The following YIPF4 variants were observed in gnomAD, a reference collection of about 807,000 sequenced individuals.
YIPF4 encodes the protein protein YIPF4.
YIPF4 carries 18 observed loss-of-function variants against 29.4 expected under a neutral mutation model. That is an observed-to-expected ratio of 0.61 (90% CI 0.42 to 0.91). YIPF4 has a LOEUF of 0.91. Among genes scored for constraint, YIPF4 ranks in the 40% least tolerant of loss-of-function variants. The pLI is 0.00. For missense variants in YIPF4, 279 were observed against 282.7 expected, an observed-to-expected ratio of 0.99 and a Z score of 0.09; for synonymous variants, 115 against 104.7, an observed-to-expected ratio of 1.10 and a Z score of -0.60.
chr2:32,283,074 CAAAAAAAAA>C (rs78012507), intron 1 of YIPF4, among the ~76,000 whole-genome samples: 1 of 68,822 alleles, frequency 1.5e-5, no homozygotes, highest in Non-Finnish European at 2.9e-5. Flanking sequence ...GAGACTGTCT[CAAAAAAAAA>C]AAAAAAAAAG....
intron 4 of YIPF4, among the ~76,000 whole-genome samples, chr2:32,299,691 G>C (rs2031325547): frequency 6.6e-6 from 1 of 152,138 alleles, no homozygotes; most frequent in Non-Finnish European, 1.5e-5. Context: ...GTGTGTGCCT[G>C]TGGTCCCAGC....
rs989538654 is a variant in YIPF4, at chr2:32,307,284, G to T, written c.*1658G>T. 27 of 451,770 alleles carry T rather than the reference G, an allele frequency of 6.0e-5. No individual in the cohort carries two copies. The highest frequency in any genetic ancestry group is 2.5e-4 in the Admixed American group (4 of 16,252). The allele number at this position is 451,770 out of a possible 1,614,324, so 28.0% of individuals were successfully genotyped here. A position where few individuals can be genotyped will look rare whatever the true frequency, so the allele number is the denominator to read the frequency against. On this transcript the variant is annotated 3_prime_UTR_variant, in exon 6 of 6. Transcript: ENST00000238831. ...TTTGACATTCATAGTGTTGACCCTG[G>T]AATCTTTCACAGAAAGCTTGGGGGT...
chr2:32,311,025 T>C lies in YIPF4; in HGVS notation c.*5399T>C, dbSNP rs1471194647. 1 of 152,176 alleles carries C rather than the reference T, an allele frequency of 6.6e-6. No individual in the cohort carries two copies. The highest frequency in any genetic ancestry group is 1.5e-5 in the Non-Finnish European group (1 of 68,026). The allele number at this position is 152,176 out of a possible 1,614,324, so 9.4% of individuals were successfully genotyped here. A position where few individuals can be genotyped will look rare whatever the true frequency, so the allele number is the denominator to read the frequency against. On this transcript the variant is annotated 3_prime_UTR_variant, in exon 6 of 6. Transcript: ENST00000238831. ...TCAAGTAAATCCCTAAATTACAACT[T>C]TGACATCAAAAAAGCTAGACATTCC...
In YIPF4 at chr2:32,311,915, T is replaced by G. The variant is rs2031723077; in HGVS notation, c.*6289T>G. On this transcript the variant is annotated 3_prime_UTR_variant, in exon 6 of 6. Coordinates refer to ENST00000238831, the MANE Select transcript of YIPF4 (RefSeq NM_032312.4). ...TGCATAATAAGCACTTGTTGAAGAA[T>G]AAATGATTAAGTTCAATATTTTTGC... 6.6e-6 allele frequency: 1 copy of G among 152,234 alleles called. No individual in the cohort carries two copies. The highest frequency in any genetic ancestry group is 2.4e-5 in the African/African-American group (1 of 41,476). The allele number at this position is 152,234 out of a possible 1,614,324, so 9.4% of individuals were successfully genotyped here.
In YIPF4 at chr2:32,309,030, C is replaced by CAAAAAA. The variant is rs1236684141; in HGVS notation, c.*3419_*3424dup. 3 of 83,426 alleles carry CAAAAAA rather than the reference C, an allele frequency of 3.6e-5. No homozygotes were observed. The highest frequency in any genetic ancestry group is 7.9e-5 in the African/African-American group (2 of 25,312). 5.2% of individuals were successfully genotyped at this position (83,426 alleles called of 1,614,324 possible). A position where few individuals can be genotyped will look rare whatever the true frequency, so the allele number is the denominator to read the frequency against. The stretch of plus-strand genomic sequence containing the variant: ...TAGGTGACAGAGTGAGACTCCGTCT[C>CAAAAAA]AAAAAAAAAAAAAAAAAAAATCAAA... On this transcript the variant is annotated 3_prime_UTR_variant, in exon 6 of 6. Coordinates refer to ENST00000238831, the MANE Select transcript of YIPF4 (RefSeq NM_032312.4).
chr2:32,280,913 T>C (rs2030379967), intron 1 of YIPF4, among the ~76,000 whole-genome samples: 1 of 152,208 alleles, frequency 6.6e-6, no homozygotes, highest in Non-Finnish European at 1.5e-5. Context: ...ATTGTTTAAG[T>C]GTCAGAACAT....
In YIPF4 at chr2:32,277,954, C is replaced by A; in HGVS notation, c.-202C>A. On this transcript the variant is annotated 5_prime_UTR_variant, in exon 1 of 6. Coordinates refer to ENST00000238831, the MANE Select transcript of YIPF4 (RefSeq NM_032312.4). The stretch of plus-strand genomic sequence containing the variant: ...GCCGGCGTCGTGGTGCTTGGGTGGT[C>A]GCCACCAAGAAGACTTTGGTGGGGT... 1.9e-6 allele frequency: 1 copy of A among 535,290 alleles called. No homozygotes were observed. Among genetic ancestry groups the A allele is most frequent in the South Asian group, 2.3e-5 (1 of 43,048 alleles). The allele number at this position is 535,290 out of a possible 1,614,324, so 33.2% of individuals were successfully genotyped here.
In YIPF4 at chr2:32,292,161, T is replaced by A. The variant is rs771426773; in HGVS notation, c.234-16T>A. The stretch of plus-strand genomic sequence containing the variant: ...GAAATGTGTGCCTTTTGAGAATTTT[T>A]ATTTTAAAATTATAGGGAAGAATTG... On this transcript the variant is annotated splice_polypyrimidine_tract_variant and intron_variant, in intron 2 of 5. Transcript: ENST00000238831. 1.6e-5 allele frequency: 23 copies of A among 1,417,630 alleles called. No homozygotes were observed. The South Asian group carries it at 3.3e-4, about 20-fold the overall frequency. 87.8% of individuals were successfully genotyped at this position (1,417,630 alleles called of 1,614,324 possible). A position where few individuals can be genotyped will look rare whatever the true frequency, so the allele number is the denominator to read the frequency against.
intron 5 of YIPF4, among the ~76,000 whole-genome samples, chr2:32,303,576 C>T (rs746189592): frequency 5.3e-5 from 8 of 152,130 alleles, no homozygotes; most frequent in Non-Finnish European, 7.4e-5. Flanking sequence ...GTCCTAGCTA[C>T]TCAGGAGGCT....
At chr2:32,301,562 G>T (rs1353176397) in intron 5 of YIPF4, 67 bp downstream of exon 5, 1 of 1,069,636 alleles carries the variant, frequency 9.3e-7, no homozygotes, top group Non-Finnish European at 1.4e-6. Flanking sequence ...TAGGCCTCTA[G>T]CTAGGAATAT....
chr2:32,302,480 T>A (rs1209422690), intron 5 of YIPF4, among the ~76,000 whole-genome samples: 2 of 152,226 alleles, frequency 1.3e-5, no homozygotes, highest in African/African-American at 4.8e-5. Flanking sequence ...AACTTTCCTA[T>A]CAAATATGAT....
chr2:32,285,752 C>T (rs181304676), intron 1 of YIPF4, among the ~76,000 whole-genome samples: 3 of 151,414 alleles, frequency 2.0e-5, no homozygotes, highest in South Asian at 2.1e-4. Flanking sequence ...ACCTCCCAGG[C>T]TCAAGCAATT....
Position 32,311,735 on chromosome 2 carries a change from T to A in YIPF4, c.*6109T>A, listed in dbSNP as rs2031719708. On this transcript the variant is annotated 3_prime_UTR_variant, in exon 6 of 6. Transcript: ENST00000238831. ...AATTATCAAGAATAAAAACCTTGGT[T>A]TTTCTGTAATATTTGCCACTGAGCA... The A allele has an allele frequency of 1.3e-5, 2 of 152,184 alleles. No homozygotes were observed. The highest frequency in any genetic ancestry group is 6.6e-5 in the Admixed American group (1 of 15,264). The allele number at this position is 152,184 out of a possible 1,614,324, so 9.4% of individuals were successfully genotyped here.
At chr2:32,302,920 GT>G (rs1049911530) in intron 5 of YIPF4, among the ~76,000 whole-genome samples, 13 of 152,286 alleles carry the variant, frequency 8.5e-5, no homozygotes, top group African/African-American at 3.1e-4. Flanking sequence ...AAAATGTGTG[GT>G]TTTTGGAACT....
At chr2:32,292,515 G>T (rs1222811031) in intron 3 of YIPF4, among the ~76,000 whole-genome samples, 167 bp downstream of exon 3, 1 of 152,086 alleles carries the variant, frequency 6.6e-6, no homozygotes, top group East Asian at 1.9e-4. Context: ...TAAGTGAGGA[G>T]TACCTTAGAT....
Position 32,310,271 on chromosome 2 carries a change from G to A in YIPF4, c.*4645G>A, listed in dbSNP as rs1478389442. 6.6e-6 allele frequency: 1 copy of A among 152,134 alleles called. No homozygotes were observed. Among genetic ancestry groups the A allele is most frequent in the Non-Finnish European group, 1.5e-5 (1 of 68,036 alleles). The allele number at this position is 152,134 out of a possible 1,614,324, so 9.4% of individuals were successfully genotyped here. A position where few individuals can be genotyped will look rare whatever the true frequency, so the allele number is the denominator to read the frequency against. On this transcript the variant is annotated 3_prime_UTR_variant, in exon 6 of 6. Transcript: ENST00000238831. ...AGAACTTTGGGAGGCCATGGCAGGAGGATTGCTTGAACCCAGGAGTTGTAG... is the reference window on the plus strand; with the variant it reads ...AGAACTTTGGGAGGCCATGGCAGGAAGATTGCTTGAACCCAGGAGTTGTAG...
intron 5 of YIPF4, 28 bp from the exon 6 acceptor site, chr2:32,305,461 C>T: frequency 1.4e-6 from 2 of 1,452,720 alleles, no homozygotes; most frequent in South Asian, 1.7e-5. Flanking sequence ...TAATATGCTG[C>T]CTTTTGTCTT....
chr2:32,301,258 T>C, intron 4 of YIPF4, 124 bp from the exon 5 acceptor site: 1 of 648,318 alleles, frequency 1.5e-6, no homozygotes, highest in Non-Finnish European at 2.7e-6. Flanking sequence ...AGTATAATAG[T>C]TTATGATTTC....
In YIPF4 at chr2:32,281,730, A is replaced by T. The variant is rs142824785; in HGVS notation, c.79+3496A>T. ...TGGCAAAACCCCATCTCTACAAAAC[A>T]TACAAAAAATTAGCCGGGCATGGTG... On this transcript the variant is annotated intron_variant, in intron 1 of 5. Coordinates refer to ENST00000238831, the MANE Select transcript of YIPF4 (RefSeq NM_032312.4). Among the ~76,000 whole-genome samples the T allele has an allele frequency of 7.9e-5, 12 of 152,094 alleles. No individual in the cohort carries two copies. In the East Asian group the frequency reaches 2.3e-3, roughly 29 times the overall value.
Sources: gnomAD v4.1 joint callset for allele counts (sites outside exome capture counted in the v4.1 genomes callset) on GRCh38, gnomAD v4.1.1 for gene constraint, MANE v1.5 for transcripts, NCBI Gene and HGNC (gene_info 2026-07-23, HGNC 2026-07-21) for gene names.